The following GPHN variants were observed in gnomAD, a reference collection of about 807,000 sequenced individuals.
GPHN encodes the protein gephyrin.
In GPHN, 17 loss-of-function variants were observed where a neutral mutation model predicts 95.5. That is an observed-to-expected ratio of 0.18 (90% confidence interval 0.12 to 0.27). The LOEUF is 0.27. Ranked by LOEUF, GPHN falls within the 10% of genes least tolerant of loss-of-function variation. GPHN has a pLI of 1.00. For missense variants in GPHN, 660 were observed against 978.1 expected, an observed-to-expected ratio of 0.67 and a Z score of 4.34; for synonymous variants, 320 against 322.5, an observed-to-expected ratio of 0.99 and a Z score of 0.08.
chr14:66,914,428 A>C (rs991060187), intron 5 of GPHN, among the ~76,000 whole-genome samples: 6 of 152,128 alleles, frequency 3.9e-5, no homozygotes, highest in African/African-American at 1.4e-4. Context: ...CACAAGATGG[A>C]ATGAACTTAC....
chr14:67,000,507 T>C (rs991773153), intron 9 of GPHN, among the ~76,000 whole-genome samples: 3 of 151,672 alleles, frequency 2.0e-5, no homozygotes, highest in Non-Finnish European at 4.4e-5. Context: ...TAATAATGAT[T>C]TATTACTTAT....
chr14:67,301,791 C>T, the GPHN span, among the ~76,000 whole-genome samples: 1 of 152,130 alleles, frequency 6.6e-6, no homozygotes, highest in East Asian at 1.9e-4. Context: ...GCATTTTAGA[C>T]TTTCATAACC....
chr14:67,546,168 A>G, the GPHN span, among the ~76,000 whole-genome samples: 1 of 152,214 alleles, frequency 6.6e-6, no homozygotes, highest in African/African-American at 2.4e-5. Flanking sequence ...GTAAAAATAT[A>G]AAAACAACCA....
chr14:67,572,083 G>A, the GPHN span: 37 of 1,566,968 alleles, frequency 2.4e-5, no homozygotes, highest in Admixed American at 3.7e-4. Flanking sequence ...CCTGGGCTGC[G>A]TGAGTCGGGG....
intron 1 of GPHN, among the ~76,000 whole-genome samples, chr14:66,548,115 C>T (rs1359866964): frequency 6.7e-6 from 1 of 149,342 alleles, no homozygotes; most frequent in Non-Finnish European, 1.5e-5. Context: ...GTATTTCAGC[C>T]TTTTTCATTA....
At chr14:66,874,054 A>G (rs147152191) in intron 4 of GPHN, among the ~76,000 whole-genome samples, 2 of 152,322 alleles carry the variant, frequency 1.3e-5, no homozygotes, top group African/African-American at 4.8e-5. Context: ...TTCCAGAGGA[A>G]GGAATTGGCA....
At chr14:66,604,402 A>G (rs763613075) in intron 1 of GPHN, among the ~76,000 whole-genome samples, 3 of 152,146 alleles carry the variant, frequency 2.0e-5, no homozygotes, top group Non-Finnish European at 4.4e-5. Context: ...ATGCATATGT[A>G]TGTGTACGCA....
chr14:66,508,695 G>A (rs1261353511), intron 1 of GPHN, 104 bp downstream of exon 1: 1 of 1,016,134 alleles, frequency 9.8e-7, no homozygotes, highest in African/African-American at 1.6e-5. Context: ...GAGGAGGGAA[G>A]GCTGAAGAAG....
chr14:67,697,127 A>C, the GPHN span, among the ~76,000 whole-genome samples: 2 of 152,244 alleles, frequency 1.3e-5, no homozygotes, highest in South Asian at 4.1e-4. Flanking sequence ...CACTGTGCTG[A>C]TGTCCAGCAG....
At chr14:67,048,949 T>C (rs114307253) in intron 10 of GPHN, among the ~76,000 whole-genome samples, 1 of 152,356 alleles carries the variant, frequency 6.6e-6, no homozygotes, top group African/African-American at 2.4e-5. Flanking sequence ...TAGGAAACTA[T>C]TTTTTCTATC....
the GPHN span, among the ~76,000 whole-genome samples, chr14:67,509,459 C>T: frequency 2.6e-5 from 4 of 152,152 alleles, no homozygotes; most frequent in African/African-American, 4.8e-5. Flanking sequence ...GCTGGGACTA[C>T]AGGCACGAGC....
chr14:67,113,424 G>C (rs991262294), intron 16 of GPHN, among the ~76,000 whole-genome samples: 4 of 152,104 alleles, frequency 2.6e-5, no homozygotes, highest in African/African-American at 9.7e-5. Context: ...TATAACCAAT[G>C]GCCTTTCCAC....
chr14:66,552,675 G>T (rs566354485), intron 1 of GPHN, among the ~76,000 whole-genome samples: 112 of 152,104 alleles, frequency 7.4e-4, no homozygotes, highest in Non-Finnish European at 1.2e-3. Context: ...ATTTCTGAAG[G>T]ATATTTATTA....
chr14:66,996,055 A>C (rs1385868028), intron 9 of GPHN: 1 of 637,354 alleles, frequency 1.6e-6, no homozygotes, highest in African/African-American at 1.8e-5. Flanking sequence ...GTGTCTGCTT[A>C]TAAAGCTGTT....
the GPHN span, among the ~76,000 whole-genome samples, chr14:67,291,787 C>G: frequency 4.2e-3 from 637 of 152,202 alleles, 17 homozygotes; most frequent in East Asian, 0.055. Context: ...CCTTACTAGT[C>G]AAATAAATGG....
chr14:66,583,509 A>C (rs1294353674), intron 1 of GPHN, among the ~76,000 whole-genome samples: 2 of 152,010 alleles, frequency 1.3e-5, no homozygotes, highest in Non-Finnish European at 2.9e-5. Context: ...TAGGGTTTTT[A>C]CGGTTTTAGG....
At chr14:67,126,213 T>A (rs2153694511) in intron 17 of GPHN, among the ~76,000 whole-genome samples, 1 of 152,312 alleles carries the variant, frequency 6.6e-6, no homozygotes, top group East Asian at 1.9e-4. Context: ...TCTTTTTCTT[T>A]AAAGAGACAC....
chr14:66,980,541 TCA>T (rs1310709899), intron 9 of GPHN, among the ~76,000 whole-genome samples: 1 of 152,186 alleles, frequency 6.6e-6, no homozygotes, highest in Non-Finnish European at 1.5e-5. Flanking sequence ...AAAAATAATT[TCA>T]GTTTAATTAT....
the GPHN span, among the ~76,000 whole-genome samples, chr14:67,206,307 G>A: frequency 9.7e-4 from 148 of 152,160 alleles, no homozygotes; most frequent in Non-Finnish European, 1.8e-3. Context: ...AGACTAGCCT[G>A]GCCAACATGG....
Sources: gnomAD v4.1 joint callset for allele counts (sites outside exome capture counted in the v4.1 genomes callset) on GRCh38, gnomAD v4.1.1 for gene constraint, MANE v1.5 for transcripts, NCBI Gene and HGNC (gene_info 2026-07-23, HGNC 2026-07-21) for gene names.